The following XKR6 variants were observed in gnomAD, a reference collection of about 807,000 sequenced individuals.
XKR6 encodes XK related 6, also known as XK-related protein 6.
In XKR6, 22 loss-of-function variants were observed where a neutral mutation model predicts 56.7. That is an observed-to-expected ratio of 0.39 (90% confidence interval 0.28 to 0.55). The LOEUF (loss-of-function observed/expected upper bound fraction) is 0.55. Among genes scored for constraint, XKR6 ranks in the 20% least tolerant of loss-of-function variants. The probability of loss-of-function intolerance (pLI) is 0.66; values close to 1 mark genes in which losing one functional copy is unlikely to be tolerated. For synonymous variants in XKR6, 524 were observed against 387.8 expected (o/e 1.35, Z -4.13); for missense variants, 852 against 889.0 (o/e 0.96, Z 0.53).
chr8:11,019,571 G>C (rs1377806624), intron 1 of XKR6, among the ~76,000 whole-genome samples: 1 of 152,188 alleles, frequency 6.6e-6, no homozygotes, highest in Admixed American at 6.5e-5. Context: ...GAACGCGCAG[G>C]TGACATTCCA....
At chr8:11,089,559 T>A (rs574323361) in intron 1 of XKR6, among the ~76,000 whole-genome samples, 26 of 152,262 alleles carry the variant, frequency 1.7e-4, no homozygotes, top group Non-Finnish European at 2.9e-4. Flanking sequence ...ATTTCTTAAA[T>A]CTAGGAGCTC....
intron 1 of XKR6, among the ~76,000 whole-genome samples, chr8:10,957,404 T>C (rs1801922845): frequency 6.6e-6 from 1 of 152,180 alleles, no homozygotes; most frequent in Non-Finnish European, 1.5e-5. Flanking sequence ...ATTCCCTTCC[T>C]TCAGGCCCTT....
At chr8:10,949,054 C>T (rs1355110820) in intron 1 of XKR6, among the ~76,000 whole-genome samples, 2 of 152,154 alleles carry the variant, frequency 1.3e-5, no homozygotes, top group East Asian at 1.9e-4. Flanking sequence ...CTCACACTCA[C>T]GCTGTCCTCT....
chr8:11,159,815 C>T (rs1204991575), intron 1 of XKR6, among the ~76,000 whole-genome samples: 1 of 152,180 alleles, frequency 6.6e-6, no homozygotes, highest in Non-Finnish European at 1.5e-5. Flanking sequence ...TTTGCTTACT[C>T]TTAAAAATGA....
intron 1 of XKR6, among the ~76,000 whole-genome samples, chr8:11,166,505 C>T (rs1205104488): frequency 6.6e-6 from 1 of 152,116 alleles, no homozygotes; most frequent in Non-Finnish European, 1.5e-5. Flanking sequence ...ACTAAGACAT[C>T]ACAAAAGATT....
chr8:11,021,274 C>T (rs1187319279), intron 1 of XKR6, among the ~76,000 whole-genome samples: 1 of 152,214 alleles, frequency 6.6e-6, no homozygotes, highest in East Asian at 1.9e-4. Context: ...TCTTCCTACA[C>T]TCATGTGGGT....
chr8:10,996,892 C>G (rs1383508084), intron 1 of XKR6, among the ~76,000 whole-genome samples: 1 of 151,996 alleles, frequency 6.6e-6, no homozygotes, highest in African/African-American at 2.4e-5. Context: ...GGCTTTGAGC[C>G]CAGGAGTCTA....
chr8:11,147,732 A>T (rs1459846357), intron 1 of XKR6, among the ~76,000 whole-genome samples: 2 of 152,076 alleles, frequency 1.3e-5, no homozygotes, highest in East Asian at 1.9e-4. Flanking sequence ...ATTAGGGAGA[A>T]GCAAATTAAG....
At chr8:11,071,895 C>T (rs947717496) in intron 1 of XKR6, among the ~76,000 whole-genome samples, 2 of 152,366 alleles carry the variant, frequency 1.3e-5, no homozygotes, top group Middle Eastern at 3.4e-3. Flanking sequence ...AATACTGTGT[C>T]CTCTGAATAT....
chr8:11,045,981 T>G (rs1036223929), intron 1 of XKR6, among the ~76,000 whole-genome samples: 6 of 152,222 alleles, frequency 3.9e-5, no homozygotes, highest in South Asian at 2.1e-4. Flanking sequence ...TGTGCGCTGT[T>G]GTTGAGAGAA....
intron 1 of XKR6, among the ~76,000 whole-genome samples, chr8:11,144,626 C>T (rs1800885344): frequency 6.6e-6 from 1 of 152,084 alleles, no homozygotes; most frequent in Admixed American, 6.6e-5. Flanking sequence ...TCCTCCCTCA[C>T]TCAGGCAGAT....
chr8:10,954,824 T>G (rs58492392), intron 1 of XKR6, among the ~76,000 whole-genome samples: 2 of 32,348 alleles, frequency 6.2e-5, no homozygotes, highest in Non-Finnish European at 1.3e-4. Context: ...TTTTGACTTG[T>G]TTTTTTTTGT....
At chr8:11,081,201 C>G (rs1022570152) in intron 1 of XKR6, among the ~76,000 whole-genome samples, 3 of 152,192 alleles carry the variant, frequency 2.0e-5, no homozygotes, top group Non-Finnish European at 4.4e-5. Flanking sequence ...TCTGTGAAAA[C>G]TGTTGCTTCC....
intron 1 of XKR6, among the ~76,000 whole-genome samples, chr8:11,193,748 C>A (rs1175624541): frequency 1.0e-4 from 14 of 139,346 alleles, no homozygotes; most frequent in African/African-American, 7.8e-5. Flanking sequence ...ACCCCCCCCC[C>A]CCCACAAAAG....
chr8:11,171,989 T>A (rs1331259525), intron 1 of XKR6, among the ~76,000 whole-genome samples: 1 of 150,690 alleles, frequency 6.6e-6, no homozygotes, highest in African/African-American at 2.4e-5. Context: ...GGAGGCACAG[T>A]ATGCAGTGAG....
intron 1 of XKR6, among the ~76,000 whole-genome samples, chr8:10,943,449 C>T (rs746248905): frequency 3.3e-4 from 50 of 152,196 alleles, no homozygotes; most frequent in Non-Finnish European, 1.3e-4. Context: ...CCTCCAGCCA[C>T]ATCCATGGCT....
intron 1 of XKR6, among the ~76,000 whole-genome samples, chr8:11,192,287 T>C (rs764769811): frequency 6.6e-6 from 1 of 151,922 alleles, no homozygotes; most frequent in East Asian, 2.0e-4. Context: ...GCCTCCTGAG[T>C]AGCTGGGACT....
intron 1 of XKR6, among the ~76,000 whole-genome samples, chr8:10,980,988 G>C (rs1406784675): frequency 6.6e-6 from 1 of 152,014 alleles, no homozygotes; most frequent in Non-Finnish European, 1.5e-5. Flanking sequence ...AAAAAAAAAA[G>C]AGAAGAGCCC....
chr8:10,919,305 G>T (rs768095640), intron 2 of XKR6, among the ~76,000 whole-genome samples: 51 of 152,308 alleles, frequency 3.3e-4, no homozygotes, highest in Middle Eastern at 6.8e-3. Context: ...TCTCTGGAGG[G>T]GCTTTTCCTG....
Sources: allele counts gnomAD v4.1 joint callset (sites outside exome capture counted in the v4.1 genomes callset), GRCh38; gene constraint gnomAD v4.1.1; transcripts MANE v1.5; gene names NCBI Gene and HGNC (gene_info 2026-07-23, HGNC 2026-07-21).